The following SHLD1 variants were observed in gnomAD, a reference collection of about 807,000 sequenced individuals.
SHLD1 encodes RINN1-REV7-interacting novel NHEJ regulator 3.
In SHLD1, 3 loss-of-function variants were observed where a neutral mutation model predicts 5.5. The ratio of observed to expected loss-of-function variants is 0.54; its 90% CI spans 0.25 to 1.40. The LOEUF (loss-of-function observed/expected upper bound fraction) is 1.40, where lower values mean the gene tolerates loss of function less well. Ranked by LOEUF, SHLD1 falls within the 40% of genes most tolerant of loss-of-function variation. The pLI is 0.15. For missense variants in SHLD1, 210 were observed against 244.4 expected, an observed-to-expected ratio of 0.86 and a Z score of 0.94; for synonymous variants, 92 against 94.3, an observed-to-expected ratio of 0.98 and a Z score of 0.14.
At chr20:5,837,788 C>T (rs1007005651) in intron 2 of SHLD1, among the ~76,000 whole-genome samples, 14 of 151,984 alleles carry the variant, frequency 9.2e-5, no homozygotes, top group African/African-American at 2.9e-4. Context: ...ACATTCATGA[C>T]ATACCTAATT....
intron 1 of SHLD1, among the ~76,000 whole-genome samples, chr20:5,754,830 C>T (rs776295681): frequency 2.0e-4 from 31 of 151,988 alleles, no homozygotes; most frequent in Admixed American, 1.3e-3. Context: ...CCGACGCGGG[C>T]GGATCACCTG....
chr20:5,775,995 T>C (rs1985411292), intron 2 of SHLD1, among the ~76,000 whole-genome samples: 1 of 142,054 alleles, frequency 7.0e-6, no homozygotes, highest in South Asian at 2.3e-4. Flanking sequence ...TGGCGTGATC[T>C]TGGCTCACTG....
chr20:5,843,994 A>G (rs2087897087), intron 2 of SHLD1, among the ~76,000 whole-genome samples: 1 of 152,156 alleles, frequency 6.6e-6, no homozygotes, highest in Admixed American at 6.5e-5. Flanking sequence ...CGTAAGTTGT[A>G]TCACGCAAAT....
intron 1 of SHLD1, among the ~76,000 whole-genome samples, chr20:5,764,898 T>C (rs1276859106): frequency 1.3e-5 from 2 of 152,126 alleles, no homozygotes; most frequent in Non-Finnish European, 2.9e-5. Context: ...TCACTTCTTA[T>C]GTGTGCACCT....
At chr20:5,753,973 G>T (rs998064893) in intron 1 of SHLD1, among the ~76,000 whole-genome samples, 2 of 152,116 alleles carry the variant, frequency 1.3e-5, no homozygotes, top group Non-Finnish European at 2.9e-5. Context: ...TGATTTCCTT[G>T]TCATGAGACA....
chr20:5,811,223 C>T (rs978620738), intron 2 of SHLD1, among the ~76,000 whole-genome samples: 4 of 152,118 alleles, frequency 2.6e-5, no homozygotes, highest in Admixed American at 2.6e-4. Flanking sequence ...CATATGACTC[C>T]ATAAGTGACA....
intron 2 of SHLD1, among the ~76,000 whole-genome samples, chr20:5,852,468 C>G (rs1270986713): frequency 1.3e-5 from 2 of 149,872 alleles, no homozygotes; most frequent in Non-Finnish European, 3.0e-5. Context: ...GTCTTTCTTT[C>G]TTTCTTTTGA....
At chr20:5,778,114 CTTTTTTTT>C (rs776358532) in intron 2 of SHLD1, among the ~76,000 whole-genome samples, 1 of 111,930 alleles carries the variant, frequency 8.9e-6, no homozygotes, top group African/African-American at 3.3e-5. Flanking sequence ...ATCCCTTTTT[CTTTTTTTT>C]TTTTTTTTTT....
chr20:5,791,231 A>G (rs1298360895), intron 2 of SHLD1, among the ~76,000 whole-genome samples: 1 of 135,342 alleles, frequency 7.4e-6, no homozygotes, highest in Non-Finnish European at 1.6e-5. Context: ...TGAAATAATG[A>G]AAAAACAGAA....
intron 2 of SHLD1, among the ~76,000 whole-genome samples, chr20:5,862,166 A>G (rs1112203): frequency 0.023 from 3,561 of 152,328 alleles, 138 homozygotes; most frequent in African/African-American, 0.081. Context: ...TACAGCTTCA[A>G]CACGTGAATT....
rs141804402 is a variant in SHLD1, at chr20:5,819,627, G to T, written c.179-43397G>T. Among the ~76,000 whole-genome samples the T allele has an allele frequency of 3.7e-3, 568 of 152,240 alleles. 4 individuals are homozygous for T. The highest frequency in any genetic ancestry group is 0.013 in the African/African-American group (534 of 41,538). ...CTTTGAGGTCAGGAGTTCGAGACCA[G>T]CCTGGGCAACACAGCAAGACCCTGT... On this transcript the variant is annotated intron_variant, in intron 2 of 2. Coordinates refer to ENST00000303142, the MANE Select transcript of SHLD1 (RefSeq NM_152504.4).
At chr20:5,834,441 A>G (rs2087766700) in intron 2 of SHLD1, among the ~76,000 whole-genome samples, 1 of 152,238 alleles carries the variant, frequency 6.6e-6, no homozygotes, top group Non-Finnish European at 1.5e-5. Context: ...TTCTAATTTG[A>G]CCAATGAGCT....
chr20:5,752,614 G>GT (rs1983820645), intron 1 of SHLD1, among the ~76,000 whole-genome samples: 2 of 122,744 alleles, frequency 1.6e-5, no homozygotes, highest in African/African-American at 3.5e-5. Flanking sequence ...TATATTTTGG[G>GT]GTTTTTTTTT....
chr20:5,834,346 C>T (rs1241394719), intron 2 of SHLD1, among the ~76,000 whole-genome samples: 1 of 152,106 alleles, frequency 6.6e-6, no homozygotes, highest in African/African-American at 2.4e-5. Context: ...GCATGTGTGA[C>T]TTTTATGCAG....
Position 5,863,210 on chromosome 20 carries a change from G to A in SHLD1, c.365G>A (p.Cys122Tyr). The stretch of plus-strand genomic sequence containing the variant: ...GCAAACTCACTCTCTGCATCTGTCT[G>A]CAAGTGCCTGTCTCAGAAAATCACT... ...GSANSLSASV[C>Y]KCLSQKITQL... The change falls in exon 3 of 3, where the codon TGC (cysteine) becomes TAC (tyrosine). Residue 122 changes from cysteine to tyrosine, a missense_variant. Coordinates refer to ENST00000303142, the MANE Select transcript of SHLD1 (RefSeq NM_152504.4). The A allele has an allele frequency of 6.2e-7, 1 of 1,614,144 alleles. No individual in the cohort carries two copies. Among genetic ancestry groups the A allele is most frequent in the Non-Finnish European group, 8.5e-7 (1 of 1,180,034 alleles).
At chr20:5,771,548 T>C (rs1985154243) in intron 1 of SHLD1, among the ~76,000 whole-genome samples, 1 of 152,238 alleles carries the variant, frequency 6.6e-6, no homozygotes, top group South Asian at 2.1e-4. Flanking sequence ...TGTTCATATC[T>C]TCCACGCACA....
intron 2 of SHLD1, among the ~76,000 whole-genome samples, chr20:5,826,314 A>AT (rs888978581): frequency 6.6e-6 from 1 of 152,026 alleles, no homozygotes; most frequent in Non-Finnish European, 1.5e-5. Context: ...TATTTATATG[A>AT]TTTTTTTATA....
At chr20:5,822,857 C>A (rs1254317948) in intron 2 of SHLD1, among the ~76,000 whole-genome samples, 1 of 152,044 alleles carries the variant, frequency 6.6e-6, no homozygotes, top group Non-Finnish European at 1.5e-5. Context: ...CTCTTTAGGT[C>A]CTGCCCTGTT....
rs769135002 is a variant in SHLD1, at chr20:5,766,215, G to GC, written c.-4-6646dup. On this transcript the variant is annotated intron_variant, in intron 1 of 2. Coordinates refer to ENST00000303142, the MANE Select transcript of SHLD1 (RefSeq NM_152504.4). ...AAGGGGGAGGACAGAGTTGCCTGGT[G>GC]CAGAGGTGTTTGCTGAAGCTTCAGG... 4.7e-4 allele frequency among the ~76,000 whole-genome samples: 72 copies of GC among 152,256 alleles called. 1 individual carries two copies. The Middle Eastern group carries it at 0.01, about 22-fold the overall frequency.
Sources: gnomAD v4.1 joint callset for allele counts (sites outside exome capture counted in the v4.1 genomes callset) on GRCh38, gnomAD v4.1.1 for gene constraint, MANE v1.5 for transcripts, NCBI Gene and HGNC (gene_info 2026-07-23, HGNC 2026-07-21) for gene names.